The following KCNK12 variants were observed in gnomAD, a reference collection of about 807,000 sequenced individuals.
KCNK12 encodes potassium channel subfamily K member 12.
KCNK12 carries 6 observed loss-of-function variants against 25.3 expected under a neutral mutation model. The observed-to-expected ratio is 0.24, with a 90% CI of 0.13 to 0.47. The LOEUF (loss-of-function observed/expected upper bound fraction) is 0.47, where lower values mean the gene tolerates loss of function less well. Ranked by LOEUF, KCNK12 falls within the 20% of genes least tolerant of loss-of-function variation. The probability of loss-of-function intolerance (pLI) is 0.99; values close to 1 mark genes in which losing one functional copy is unlikely to be tolerated. For missense variants in KCNK12, 444 were observed against 661.7 expected (o/e 0.67, Z 3.61); for synonymous variants, 331 against 311.1 (o/e 1.06, Z -0.67).
Position 47,557,104 on chromosome 2 carries a change from A to G in KCNK12, c.391+12837T>C, listed in dbSNP as rs748985027. 5.0e-4 allele frequency among the ~76,000 whole-genome samples: 76 copies of G among 152,206 alleles called. No individual in the cohort carries two copies. Among genetic ancestry groups the G allele is most frequent in the African/African-American group, 1.7e-3 (71 of 41,446 alleles). ...CAGGAGATGCATGCTGGCAACCCCA[A>G]TGACAGAGCTTGCTATGGTTTGAAT... On this transcript the variant is annotated intron_variant, in intron 1 of 1. Coordinates refer to ENST00000327876, the MANE Select transcript of KCNK12 (RefSeq NM_022055.2). The surrounding 1 kb of genome is among the most constrained non-coding windows in gnomAD (Gnocchi z 4.9).
At chr2:47,532,004 G>A (rs1161316021) in intron 1 of KCNK12, among the ~76,000 whole-genome samples, 3 of 150,612 alleles carry the variant, frequency 2.0e-5, no homozygotes, top group South Asian at 2.1e-4. Context: ...CTGAGATCAT[G>A]TCACTGCACT....
Position 47,560,080 on chromosome 2 carries a change from C to T in KCNK12, c.391+9861G>A, listed in dbSNP as rs1211705556. On this transcript the variant is annotated intron_variant, in intron 1 of 1. Transcript: ENST00000327876. This position sits in a 1 kb window ranked among gnomAD's most constrained non-coding sequence, Gnocchi z 4.7. ...CTCAAGCCAACCACCCTTCAGGAGG[C>T]GAGTTCTGAGCTGGCTATGTCCCCA... Among the ~76,000 whole-genome samples, 1 of 152,124 alleles carries T rather than the reference C, an allele frequency of 6.6e-6. No homozygotes were observed. The highest frequency in any genetic ancestry group is 1.5e-5 in the Non-Finnish European group (1 of 68,014).
rs985833063 is a variant in KCNK12 at position 47,511,711 on chromosome 2, C to A, written c.*9196G>T. 1.3e-5 allele frequency among the ~76,000 whole-genome samples: 2 copies of A among 152,124 alleles called. No individual in the cohort carries two copies. Among genetic ancestry groups the A allele is most frequent in the Non-Finnish European group, 2.9e-5 (2 of 68,028 alleles). ...AGTGGGGCATGATGGTTGGGGAAGG[C>A]CTTTTACTTCTGCCCCTTAAGGATG... On this transcript the variant is annotated 3_prime_UTR_variant, in exon 2 of 2. Coordinates refer to ENST00000327876, the MANE Select transcript of KCNK12 (RefSeq NM_022055.2). This position sits in a 1 kb window ranked among gnomAD's most constrained non-coding sequence, Gnocchi z 4.3.
Position 47,570,917 on chromosome 2 carries a change from G to C in KCNK12, c.-586C>G, listed in dbSNP as rs1346582530. ...GGCTTCAGAGCCTCGGAGCCGAGCC[G>C]AGTCCGGGGAAGCGCTCCTTTCTCA... On this transcript the variant is annotated 5_prime_UTR_variant, in exon 1 of 2. Coordinates refer to ENST00000327876, the MANE Select transcript of KCNK12 (RefSeq NM_022055.2). The C allele has an allele frequency of 2.0e-5, 3 of 152,172 alleles. No homozygotes were observed. The highest frequency in any genetic ancestry group is 7.2e-5 in the African/African-American group (3 of 41,446). The allele number at this position is 152,172 out of a possible 1,614,324, so 9.4% of individuals were successfully genotyped here.
rs1317684359 is a variant in KCNK12 at position 47,533,193 on chromosome 2, T to A, written c.392-11385A>T. 6.9e-6 allele frequency among the ~76,000 whole-genome samples: 1 copy of A among 144,774 alleles called. No homozygotes were observed. 95.0% of individuals were successfully genotyped at this position (144,774 alleles called of 152,430 possible). On this transcript the variant is annotated intron_variant, in intron 1 of 1. Transcript: ENST00000327876. The surrounding 1 kb of genome is among the most constrained non-coding windows in gnomAD (Gnocchi z 4.7). ...ATCTGGCTAATTTTTGTATTTTTAG[T>A]AGAGACGGGGTTTTACCATGTTGGC...
In KCNK12 at chr2:47,562,608, G is replaced by C. The variant is rs1321281311; in HGVS notation, c.391+7333C>G. On this transcript the variant is annotated intron_variant, in intron 1 of 1. Transcript: ENST00000327876. The surrounding 1 kb of genome is among the most constrained non-coding windows in gnomAD (Gnocchi z 4.8). ...CTGGTAGGTGGCTAGGGAATGGCAGGGTTTGGGGTAGAACTTCCTGGGGCC... is the reference window on the plus strand; with the variant it reads ...CTGGTAGGTGGCTAGGGAATGGCAGCGTTTGGGGTAGAACTTCCTGGGGCC... The C allele has an allele frequency of 8.6e-6, 2 of 233,412 alleles. No homozygotes were observed. Among genetic ancestry groups the C allele is most frequent in the Non-Finnish European group, 1.7e-5 (2 of 118,284 alleles). The allele number at this position is 233,412 out of a possible 1,614,324, so 14.5% of individuals were successfully genotyped here. A position where few individuals can be genotyped will look rare whatever the true frequency, so the allele number is the denominator to read the frequency against.
intron 1 of KCNK12, among the ~76,000 whole-genome samples, chr2:47,530,221 G>A (rs1668887882): frequency 6.6e-6 from 1 of 152,200 alleles, no homozygotes; most frequent in Non-Finnish European, 1.5e-5. Context: ...GGGATGGAGG[G>A]CGGGGCTGCC....
chr2:47,542,903 A>C (rs2104820127), intron 1 of KCNK12, among the ~76,000 whole-genome samples: 1 of 152,326 alleles, frequency 6.6e-6, no homozygotes, highest in South Asian at 2.1e-4. Flanking sequence ...CATTGGCTTG[A>C]GAATGAGTTC....
intron 1 of KCNK12, among the ~76,000 whole-genome samples, chr2:47,527,352 T>G (rs1668804524): frequency 6.6e-6 from 1 of 152,204 alleles, no homozygotes; most frequent in South Asian, 2.1e-4. Context: ...CTAAAGAGTC[T>G]GCCAAGGTAG....
chr2:47,567,826 C>G (rs1020456345), intron 1 of KCNK12, among the ~76,000 whole-genome samples: 8 of 152,342 alleles, frequency 5.3e-5, no homozygotes, highest in Middle Eastern at 3.4e-3. Flanking sequence ...GAATATAGCT[C>G]CTTTCCACTT....
rs530309303 is a variant in KCNK12 at position 47,557,148 on chromosome 2, G to A, written c.391+12793C>T. On this transcript the variant is annotated intron_variant, in intron 1 of 1. Transcript: ENST00000327876. The surrounding 1 kb of genome is among the most constrained non-coding windows in gnomAD (Gnocchi z 4.9). ...TTTGAATGTCTCCTCCAAAACTTAC[G>A]TTGAAATCCAATGGCTATTGTAAGA... Among the ~76,000 whole-genome samples, 5 of 152,284 alleles carry A rather than the reference G, an allele frequency of 3.3e-5. No homozygotes were observed. Among genetic ancestry groups the A allele is most frequent in the South Asian group, 2.1e-4 (1 of 4,816 alleles).
chr2:47,553,086 GAACA>G (rs762556110), intron 1 of KCNK12, among the ~76,000 whole-genome samples: 1 of 152,138 alleles, frequency 6.6e-6, no homozygotes, highest in Non-Finnish European at 1.5e-5. Context: ...ATAAACAAAT[GAACA>G]AACATTTACT....
rs371653674 is a variant in KCNK12 at position 47,554,620 on chromosome 2, C to T, written c.391+15321G>A. On this transcript the variant is annotated intron_variant, in intron 1 of 1. Coordinates refer to ENST00000327876, the MANE Select transcript of KCNK12 (RefSeq NM_022055.2). ...TAAGAGGGGTCAGGGCCAAATTATG[C>T]AGGGCCTTGAGTGTCATGGTGAAGA... is the stretch of plus-strand genomic sequence containing the variant. Among the ~76,000 whole-genome samples the T allele has an allele frequency of 9.4e-4, 143 of 152,308 alleles. 1 individual carries two copies. The South Asian group carries it at 0.028, about 30-fold the overall frequency.
chr2:47,551,832 G>C lies in KCNK12; in HGVS notation c.391+18109C>G, dbSNP rs192940629. 1.5e-3 allele frequency among the ~76,000 whole-genome samples: 229 copies of C among 152,316 alleles called. 1 individual carries two copies. The highest frequency in any genetic ancestry group is 4.9e-3 in the African/African-American group (205 of 41,572). On this transcript the variant is annotated intron_variant, in intron 1 of 1. Transcript: ENST00000327876. The surrounding 1 kb of genome is among the most constrained non-coding windows in gnomAD (Gnocchi z 5.3). ...AATCTAGGGGACTACATGGAGTTCTGAATGACATGTGTCTCACTACAGTGG... is the reference window on the plus strand; with the variant it reads ...AATCTAGGGGACTACATGGAGTTCTCAATGACATGTGTCTCACTACAGTGG...
At position 47,513,260 on chromosome 2, in the gene KCNK12, C is replaced by T. The variant is rs1197357922; in HGVS notation, c.*7647G>A. ...ACCAGTTCCAAAGAAGCTCACACTCCCCTGCGGCTGCTTCTGCCAAGGTCA... is the reference window on the plus strand; with the variant it reads ...ACCAGTTCCAAAGAAGCTCACACTCTCCTGCGGCTGCTTCTGCCAAGGTCA... On this transcript the variant is annotated 3_prime_UTR_variant, in exon 2 of 2. Transcript: ENST00000327876. 2.6e-5 allele frequency: 4 copies of T among 152,186 alleles called. No homozygotes were observed. Among genetic ancestry groups the T allele is most frequent in the Non-Finnish European group, 5.9e-5 (4 of 68,044 alleles). 9.4% of individuals were successfully genotyped at this position (152,186 alleles called of 1,614,324 possible).
intron 1 of KCNK12, among the ~76,000 whole-genome samples, chr2:47,526,117 G>A (rs1056067395): frequency 1.3e-5 from 2 of 152,070 alleles, no homozygotes; most frequent in African/African-American, 2.4e-5. Context: ...AAAAGAGGCC[G>A]GGCGTGATGG....
rs1264487804 is a variant in KCNK12, at chr2:47,570,341, C to T, written c.-10G>A. 3 of 1,252,872 alleles carry T rather than the reference C, an allele frequency of 2.4e-6. No homozygotes were observed. Among genetic ancestry groups the T allele is most frequent in the South Asian group, 2.9e-5 (1 of 34,302 alleles). The allele number at this position is 1,252,872 out of a possible 1,614,324, so 77.6% of individuals were successfully genotyped here. A position where few individuals can be genotyped will look rare whatever the true frequency, so the allele number is the denominator to read the frequency against. On this transcript the variant is annotated 5_prime_UTR_variant, in exon 1 of 2. Coordinates refer to ENST00000327876, the MANE Select transcript of KCNK12 (RefSeq NM_022055.2). The stretch of plus-strand genomic sequence containing the variant: ...GGCTGCGGGAGGACATGGTCCGGAG[C>T]TCAGCCCCGGGGCCGGGGCGGCGCT...
Position 47,570,068 on chromosome 2 carries a change from T to C in KCNK12, c.264A>G (p.Pro88=). Residue 88 remains proline (P), a synonymous_variant, in exon 1 of 2, where the codon CCA becomes CCG. Transcript: ENST00000327876. ...NFSAAHGVAE[P]ELRAFLRHYE... is the part of the protein sequence containing the mutation. ...AGTGCCGGAGGAAGGCGCGCAGCTC[T>C]GGCTCGGCCACGCCGTGCGCAGCGC... 7.2e-7 allele frequency: 1 copy of C among 1,396,350 alleles called. No homozygotes were observed. The highest frequency in any genetic ancestry group is 1.6e-5 in the South Asian group (1 of 62,996). 86.5% of individuals were successfully genotyped at this position (1,396,350 alleles called of 1,614,324 possible). A position where few individuals can be genotyped will look rare whatever the true frequency, so the allele number is the denominator to read the frequency against.
intron 1 of KCNK12, 57 bp from the exon 2 acceptor site, chr2:47,521,865 GC>G: frequency 3.5e-6 from 5 of 1,442,986 alleles, no homozygotes; most frequent in East Asian, 2.5e-5. Context: ...TCCTCACTGG[GC>G]GAGGGTGGGG....
Sources: gnomAD v4.1 joint callset for allele counts (sites outside exome capture counted in the v4.1 genomes callset) on GRCh38, gnomAD v4.1.1 for gene constraint, Gnocchi (gnomAD v3.1) non-coding constraint, MANE v1.5 for transcripts, NCBI Gene and HGNC (gene_info 2026-07-23, HGNC 2026-07-21) for gene names.